Variants in AGAP1 observed in about 807,000 individuals in gnomAD.
The protein encoded by AGAP1 is arf-GAP with GTPase, ANK repeat and PH domain-containing protein 1.
Under a neutral mutation model 105.3 loss-of-function variants are expected in AGAP1, and 29 were observed. The observed-to-expected ratio is 0.28, with a 90% CI of 0.21 to 0.38. AGAP1 has a LOEUF of 0.38. Ranked by LOEUF, AGAP1 falls within the 10% of genes least tolerant of loss-of-function variation. The pLI is 1.00. For synonymous variants in AGAP1, 509 were observed against 485.9 expected (o/e 1.05, Z -0.63); for missense variants, 998 against 1,165.1 (o/e 0.86, Z 2.09).
intron 1 of AGAP1, among the ~76,000 whole-genome samples, chr2:235,653,267 C>G (rs986640443): frequency 6.6e-6 from 1 of 151,996 alleles, no homozygotes; most frequent in Non-Finnish European, 1.5e-5. Flanking sequence ...AGATCGAGAC[C>G]ATCCTGGCTA....
At position 236,042,376 on chromosome 2, in the gene AGAP1, C is replaced by T. The variant is rs1391259113; in HGVS notation, c.1891+1535C>T. Among the ~76,000 whole-genome samples the T allele has an allele frequency of 1.3e-5, 2 of 152,150 alleles. No individual in the cohort carries two copies. Among genetic ancestry groups the T allele is most frequent in the Non-Finnish European group, 1.5e-5 (1 of 68,032 alleles). On this transcript the variant is annotated intron_variant, in intron 15 of 17. Transcript: ENST00000304032. The surrounding 1 kb of genome is among the most constrained non-coding windows in gnomAD (Gnocchi z 5.6). ...CCTGCGGGTGAGGGAAGGGGTTCTT[C>T]TCCAGGTATCTTGAGGTTCTTCTTT...
rs2054218181 is a variant in AGAP1 at position 235,962,130 on chromosome 2, T to C, written c.1484-6332T>C. On this transcript the variant is annotated intron_variant, in intron 12 of 17. Coordinates refer to ENST00000304032, the MANE Select transcript of AGAP1 (RefSeq NM_001037131.3). The surrounding 1 kb of genome is among the most constrained non-coding windows in gnomAD (Gnocchi z 5.3). ...GTCATCGTGAGGATGGTGTGGGGCG[T>C]GGGGTGTTTGAAGCGGGAGGAGAAG... is the stretch of plus-strand genomic sequence containing the variant. 6.6e-6 allele frequency among the ~76,000 whole-genome samples: 1 copy of C among 151,546 alleles called. No homozygotes were observed. Among genetic ancestry groups the C allele is most frequent in the African/African-American group, 2.4e-5 (1 of 40,922 alleles).
chr2:235,812,746 C>G (rs906954484), intron 9 of AGAP1, among the ~76,000 whole-genome samples: 4 of 152,206 alleles, frequency 2.6e-5, no homozygotes, highest in Admixed American at 6.5e-5. Context: ...CCTGCGGCCT[C>G]TCTGCGTAGG....
chr2:235,726,120 C>T (rs1951631557), intron 3 of AGAP1, among the ~76,000 whole-genome samples: 1 of 152,156 alleles, frequency 6.6e-6, no homozygotes, highest in African/African-American at 2.4e-5. Flanking sequence ...CCATACTGGG[C>T]CTGCATTGGA....
intron 13 of AGAP1, among the ~76,000 whole-genome samples, chr2:235,997,976 C>T (rs769519090): frequency 1.3e-5 from 2 of 152,164 alleles, no homozygotes; most frequent in Admixed American, 1.3e-4. Flanking sequence ...TCACTGTTAT[C>T]TGCTGTTTTA....
At chr2:236,064,346 T>A in intron 16 of AGAP1, among the ~76,000 whole-genome samples, 1 of 152,196 alleles carries the variant, frequency 6.6e-6, no homozygotes, top group African/African-American at 2.4e-5. Context: ...TCCCAGCACT[T>A]TGGGGAGGCC....
chr2:236,105,629 C>T lies in AGAP1; in HGVS notation c.2115-14563C>T, dbSNP rs2059465928. ...GCAGTGCAGTGGCGTGAACTCGGCT[C>T]ACTGCAACCTCCGCCTCCCGGGTTC... On this transcript the variant is annotated intron_variant, in intron 16 of 17. Coordinates refer to ENST00000304032, the MANE Select transcript of AGAP1 (RefSeq NM_001037131.3). The surrounding 1 kb of genome is among the most constrained non-coding windows in gnomAD (Gnocchi z 4.2). Among the ~76,000 whole-genome samples the T allele has an allele frequency of 6.7e-6, 1 of 148,352 alleles. No individual in the cohort carries two copies. Among genetic ancestry groups the T allele is most frequent in the Non-Finnish European group, 1.5e-5 (1 of 67,428 alleles).
chr2:235,666,921 C>G (rs574379647), intron 1 of AGAP1, among the ~76,000 whole-genome samples: 8 of 152,090 alleles, frequency 5.3e-5, no homozygotes, highest in Non-Finnish European at 7.4e-5. Flanking sequence ...ACCTCCCCCT[C>G]CCACACCTGG....
Position 235,842,687 on chromosome 2 carries a change from A to T in AGAP1, c.1050+35356A>T, listed in dbSNP as rs1961001609. ...GAGTTTCTTACCCTATGAATTCTATAAACTGAAGTTTTCATCCCATGTGTC... is the reference window on the plus strand; with the variant it reads ...GAGTTTCTTACCCTATGAATTCTATTAACTGAAGTTTTCATCCCATGTGTC... On this transcript the variant is annotated intron_variant, in intron 9 of 17. Coordinates refer to ENST00000304032, the MANE Select transcript of AGAP1 (RefSeq NM_001037131.3). This position sits in a 1 kb window ranked among gnomAD's most constrained non-coding sequence, Gnocchi z 5.3. Among the ~76,000 whole-genome samples, 1 of 152,160 alleles carries T rather than the reference A, an allele frequency of 6.6e-6. No individual in the cohort carries two copies. The highest frequency in any genetic ancestry group is 2.1e-4 in the South Asian group (1 of 4,822).
chr2:235,575,648 G>T (rs1944708163), intron 1 of AGAP1, among the ~76,000 whole-genome samples: 1 of 152,242 alleles, frequency 6.6e-6, no homozygotes, highest in African/African-American at 2.4e-5. Context: ...TGCGCCCTGG[G>T]CTCTACTCCT....
chr2:235,494,934 C>A, intron 1 of AGAP1, 85 bp downstream of exon 1: 3 of 1,315,880 alleles, frequency 2.3e-6, no homozygotes, highest in Non-Finnish European at 3.0e-6. Context: ...GTGCGGGTGT[C>A]CACACACGCC....
chr2:235,817,530 T>C (rs189080777), intron 9 of AGAP1, among the ~76,000 whole-genome samples: 1 of 152,160 alleles, frequency 6.6e-6, no homozygotes, highest in African/African-American at 2.4e-5. Context: ...CTTTCCTTGG[T>C]ACCAAAGCTG....
chr2:236,006,031 T>C (rs944684698), intron 13 of AGAP1, among the ~76,000 whole-genome samples: 1 of 152,194 alleles, frequency 6.6e-6, no homozygotes, highest in Non-Finnish European at 1.5e-5. Context: ...TAGAATTCTT[T>C]TGCAGGGGAG....
intron 1 of AGAP1, among the ~76,000 whole-genome samples, chr2:235,666,511 T>C (rs1439619569): frequency 6.6e-6 from 1 of 152,050 alleles, no homozygotes; most frequent in Non-Finnish European, 1.5e-5. Context: ...GCACTTGACA[T>C]GGCATCATTA....
chr2:235,981,349 C>A lies in AGAP1; in HGVS notation c.1645+12726C>A, dbSNP rs1200298353. 6.6e-6 allele frequency among the ~76,000 whole-genome samples: 1 copy of A among 151,982 alleles called. No homozygotes were observed. The highest frequency in any genetic ancestry group is 2.4e-5 in the African/African-American group (1 of 41,364). Reference sequence around the variant, plus strand: ...TTCTTCAGGTAGGAATGATTTTCCCCTTCAGTTGGTTTTCTGCAGAAGCCA... The same window carrying A: ...TTCTTCAGGTAGGAATGATTTTCCCATTCAGTTGGTTTTCTGCAGAAGCCA... On this transcript the variant is annotated intron_variant, in intron 13 of 17. Transcript: ENST00000304032. The surrounding 1 kb of genome is among the most constrained non-coding windows in gnomAD (Gnocchi z 5.5).
At chr2:236,085,297 G>T (rs955045965) in intron 16 of AGAP1, among the ~76,000 whole-genome samples, 1 of 152,120 alleles carries the variant, frequency 6.6e-6, no homozygotes, top group Admixed American at 6.6e-5. Context: ...TAGAGAAGGG[G>T]TGGTAGGGGG....
chr2:235,997,151 G>T (rs567211828), intron 13 of AGAP1, among the ~76,000 whole-genome samples: 1 of 152,116 alleles, frequency 6.6e-6, no homozygotes, highest in Non-Finnish European at 1.5e-5. Flanking sequence ...GTGCCACGGC[G>T]CAATCTCGGC....
rs1462364778 is a variant in AGAP1 at position 235,964,699 on chromosome 2, T to C, written c.1484-3763T>C. 1.3e-5 allele frequency among the ~76,000 whole-genome samples: 2 copies of C among 152,196 alleles called. No individual in the cohort carries two copies. Among genetic ancestry groups the C allele is most frequent in the East Asian group, 1.9e-4 (1 of 5,198 alleles). On this transcript the variant is annotated intron_variant, in intron 12 of 17. Transcript: ENST00000304032. This position sits in a 1 kb window ranked among gnomAD's most constrained non-coding sequence, Gnocchi z 4.6. The stretch of plus-strand genomic sequence containing the variant: ...TTTTCCAAGATATCTATAGCTTTTA[T>C]CTGATATTCAGTGGAATCTAGTATT...
Position 235,793,442 on chromosome 2 carries a change from C to A in AGAP1, c.674-4317C>A, listed in dbSNP as rs893618940. On this transcript the variant is annotated intron_variant, in intron 6 of 17. Transcript: ENST00000304032. The surrounding 1 kb of genome is among the most constrained non-coding windows in gnomAD (Gnocchi z 5.3). Reference sequence around the variant, plus strand: ...GTGCAGGGCAAAAGAACACATGATTCGTGCTGTGGAACCAGGACAGTCTGT... The same window carrying A: ...GTGCAGGGCAAAAGAACACATGATTAGTGCTGTGGAACCAGGACAGTCTGT... Among the ~76,000 whole-genome samples, 1 of 152,158 alleles carries A rather than the reference C, an allele frequency of 6.6e-6. No homozygotes were observed. Among genetic ancestry groups the A allele is most frequent in the South Asian group, 2.1e-4 (1 of 4,824 alleles).
Sources: gnomAD v4.1 joint callset for allele counts (sites outside exome capture counted in the v4.1 genomes callset) on GRCh38, gnomAD v4.1.1 for gene constraint, Gnocchi (gnomAD v3.1) non-coding constraint, MANE v1.5 for transcripts, NCBI Gene and HGNC (gene_info 2026-07-23, HGNC 2026-07-21) for gene names.